Variants in CEP250 observed in about 807,000 individuals in gnomAD.
CEP250 encodes the protein centrosomal protein 250, also known as centrosome-associated protein CEP250.
A neutral mutation model predicts 315.7 loss-of-function variants in CEP250; 242 were observed. That is an observed-to-expected ratio of 0.77 (90% confidence interval 0.69 to 0.85). The LOEUF (loss-of-function observed/expected upper bound fraction) is 0.85. Ranked by LOEUF, CEP250 falls within the 40% of genes least tolerant of loss-of-function variation. The probability of loss-of-function intolerance (pLI) is 0.00; values close to 1 mark genes in which losing one functional copy is unlikely to be tolerated. For synonymous variants in CEP250, 1,088 were observed against 1,175.0 expected, an observed-to-expected ratio of 0.93 and a Z score of 1.51; for missense variants, 2,515 against 2,886.4, an observed-to-expected ratio of 0.87 and a Z score of 2.95.
chr20:35,472,892 T>C, intron 12 of CEP250, 61 bp downstream of exon 12: 1 of 1,542,530 alleles, frequency 6.5e-7, no homozygotes, highest in Non-Finnish European at 8.9e-7. Flanking sequence ...GGTTTGTGCC[T>C]CAGGTACCTC....
Position 35,511,507 on chromosome 20 carries a change from G to A in CEP250, c.7210G>A (p.Ala2404Thr), listed in dbSNP as rs1568851915. The A allele has an allele frequency of 6.2e-7, 1 of 1,614,150 alleles. No individual in the cohort carries two copies. Among genetic ancestry groups the A allele is most frequent in the South Asian group, 1.1e-5 (1 of 91,076 alleles). The change falls in exon 35 of 35, where the codon GCC (alanine) becomes ACC (threonine). Residue 2404 changes from alanine to threonine, a missense_variant. Coordinates refer to ENST00000397527, the MANE Select transcript of CEP250 (RefSeq NM_007186.6). ...SLLAVAQAPE[A>T]TVLEAETRRL... ...TCTTGCCGTGGCCCAGGCCCCTGAG[G>A]CCACTGTCCTGGAGGCAGAGACCCG... is the stretch of plus-strand genomic sequence containing the variant.
rs566792427 is a variant in CEP250 at position 35,497,576 on chromosome 20, C to A, written c.3307-143C>A. On this transcript the variant is annotated intron_variant, in intron 25 of 34. Coordinates refer to ENST00000397527, the MANE Select transcript of CEP250 (RefSeq NM_007186.6). Reference sequence around the variant, plus strand: ...CTAGGGTAACACTCATTTCAGAGCCCCTCTACCTGCCTGAGAGCTGAGCTG... The same window carrying A: ...CTAGGGTAACACTCATTTCAGAGCCACTCTACCTGCCTGAGAGCTGAGCTG... The A allele has an allele frequency of 9.4e-4, 597 of 637,842 alleles. 1 individual carries two copies. Among genetic ancestry groups the A allele is most frequent in the Non-Finnish European group, 1.4e-3 (488 of 361,012 alleles). The allele number at this position is 637,842 out of a possible 1,614,324, so 39.5% of individuals were successfully genotyped here. A position where few individuals can be genotyped will look rare whatever the true frequency, so the allele number is the denominator to read the frequency against.
At chr20:35,509,918 A>G (rs1053870159) in intron 33 of CEP250, 80 bp from the exon 34 acceptor site, 6 of 1,290,996 alleles carry the variant, frequency 4.6e-6, no homozygotes, top group Non-Finnish European at 6.8e-6. Flanking sequence ...TAAGATTGTG[A>G]TGAGGTTCTG....
At position 35,463,584 on chromosome 20, in the gene CEP250, T is replaced by TAA; in HGVS notation, c.197_198insAA (p.Tyr66Ter). Residue 66 changes from tyrosine (Y) to a stop codon, truncating the protein, a stop_gained and frameshift_variant, in exon 5 of 35, where the codon TAC becomes TAAAC. Coordinates refer to ENST00000397527, the MANE Select transcript of CEP250 (RefSeq NM_007186.6). LOFTEE classifies it high-confidence loss of function. The part of the protein sequence containing the change: ...VRKLQAKVLQ[Y>*]RSWCQELEKR... ...GTTCTTTTTGCTGCAGGTGCTGCAG[T>TAA]ACCGAAGCTGGTGCCAAGAGCTGGA... The TAA allele has an allele frequency of 6.2e-7, 1 of 1,610,140 alleles. No homozygotes were observed.
chr20:35,472,937 A>T, intron 12 of CEP250, 106 bp downstream of exon 12: 1 of 1,105,844 alleles, frequency 9.0e-7, no homozygotes, highest in East Asian at 2.4e-5. Context: ...TTTTTTGACC[A>T]GTCATGAGGT....
In CEP250 at chr20:35,462,289, G is replaced by A; in HGVS notation, c.-79G>A. Reference sequence around the variant, plus strand: ...GTTCAAGAGGAGGTTGAAGTGGCATGGCAATGGTTAGAGACCCTGCTGGGC... The same window carrying A: ...GTTCAAGAGGAGGTTGAAGTGGCATAGCAATGGTTAGAGACCCTGCTGGGC... On this transcript the variant is annotated 5_prime_UTR_variant, in exon 4 of 35. An upstream start codon of the reference 5' UTR is lost. Transcript: ENST00000397527. 2 of 1,156,974 alleles carry A rather than the reference G, an allele frequency of 1.7e-6. No homozygotes were observed. The highest frequency in any genetic ancestry group is 1.5e-5 in the South Asian group (1 of 65,642). The allele number at this position is 1,156,974 out of a possible 1,614,324, so 71.7% of individuals were successfully genotyped here. A position where few individuals can be genotyped will look rare whatever the true frequency, so the allele number is the denominator to read the frequency against.
At chr20:35,499,113 A>G (rs1011610360) in intron 27 of CEP250, among the ~76,000 whole-genome samples, 4 of 152,166 alleles carry the variant, frequency 2.6e-5, no homozygotes, top group African/African-American at 9.7e-5. Flanking sequence ...CATCTCTACT[A>G]AAAATACAAA....
Position 35,477,908 on chromosome 20 carries a change from A to G in CEP250, c.1901A>G (p.Glu634Gly). 13 of 1,599,060 alleles carry G rather than the reference A, an allele frequency of 8.1e-6. No homozygotes were observed. Among genetic ancestry groups the G allele is most frequent in the Non-Finnish European group, 1.1e-5 (13 of 1,173,086 alleles). Residue 634 changes from glutamate (E) to glycine (G), a missense_variant, in exon 17 of 35, where the codon GAG (glutamate) becomes GGG (glycine). Coordinates refer to ENST00000397527, the MANE Select transcript of CEP250 (RefSeq NM_007186.6). ...AACCAGTCTGTGTGCAGCAGAATGG[A>G]GGCCGCAGAGCAGGCGAGAAATGCT... ...EENQSVCSRM[E>G]AAEQARNALQ...
intron 20 of CEP250, among the ~76,000 whole-genome samples, chr20:35,481,778 C>T (rs2146913222): frequency 1.3e-5 from 2 of 152,286 alleles, no homozygotes; most frequent in Middle Eastern, 3.4e-3. Context: ...TCATGGCCTA[C>T]TGCAGCCTTG....
intron 30 of CEP250, among the ~76,000 whole-genome samples, chr20:35,506,236 G>T (rs2064182066): frequency 6.6e-6 from 1 of 152,174 alleles, no homozygotes; most frequent in Admixed American, 6.5e-5. Context: ...GGAGCCTGTT[G>T]GCAGGTCAGT....
intron 28 of CEP250, among the ~76,000 whole-genome samples, chr20:35,501,112 A>C (rs2063989293): frequency 6.6e-6 from 1 of 152,130 alleles, no homozygotes; most frequent in Non-Finnish European, 1.5e-5. Flanking sequence ...CAAGGACTAG[A>C]AAGTGTCATG....
chr20:35,488,950 C>T (rs980104465), intron 20 of CEP250, among the ~76,000 whole-genome samples: 2 of 151,990 alleles, frequency 1.3e-5, no homozygotes, highest in African/African-American at 4.8e-5. Flanking sequence ...CTTTGGGAGG[C>T]CTAAGCGGGC....
intron 25 of CEP250, 134 bp from the exon 26 acceptor site, chr20:35,497,585 G>A (rs1365656977): frequency 4.5e-6 from 3 of 661,912 alleles, no homozygotes; most frequent in Admixed American, 5.9e-5. Flanking sequence ...CCCTCTACCT[G>A]CCTGAGAGCT....
intron 7 of CEP250, 143 bp downstream of exon 7, chr20:35,466,347 G>C: frequency 1.0e-6 from 1 of 1,001,680 alleles, no homozygotes; most frequent in Non-Finnish European, 1.4e-6. Context: ...CCTTACCTGC[G>C]CATGCTGGCA....
chr20:35,505,756 A>G (rs1429990614), intron 30 of CEP250, among the ~76,000 whole-genome samples: 1 of 151,994 alleles, frequency 6.6e-6, no homozygotes, highest in Non-Finnish European at 1.5e-5. Flanking sequence ...GGCGAGAACA[A>G]GTGTAGTATC....
At chr20:35,480,223 G>A in intron 20 of CEP250, 78 bp downstream of exon 20, 1 of 1,391,206 alleles carries the variant, frequency 7.2e-7, no homozygotes, top group Non-Finnish European at 9.6e-7. Flanking sequence ...AGTTATTGCT[G>A]CTCGTATGAG....
At chr20:35,465,399 G>A (rs373160533) in intron 5 of CEP250, among the ~76,000 whole-genome samples, 7 of 137,710 alleles carry the variant, frequency 5.1e-5, no homozygotes, top group African/African-American at 1.4e-4. Context: ...CAGCCTGGGC[G>A]ACAGAGCGAG....
At chr20:35,474,217 A>G (rs1336083237) in intron 14 of CEP250, among the ~76,000 whole-genome samples, 165 bp downstream of exon 14, 1 of 152,216 alleles carries the variant, frequency 6.6e-6, no homozygotes, top group Non-Finnish European at 1.5e-5. Context: ...GAATATGGAA[A>G]GTTCGTGGTT....
intron 15 of CEP250, 108 bp downstream of exon 15, chr20:35,475,754 A>C (rs2063154804): frequency 5.7e-6 from 7 of 1,232,412 alleles, no homozygotes; most frequent in Non-Finnish European, 8.0e-6. Context: ...ATCTTTCCTC[A>C]ATCATTAGTC....
Sources: allele counts gnomAD v4.1 joint callset (sites outside exome capture counted in the v4.1 genomes callset), GRCh38; gene constraint gnomAD v4.1.1; transcripts MANE v1.5; gene names NCBI Gene and HGNC (gene_info 2026-07-23, HGNC 2026-07-21).